The following MYT1L variants were observed in gnomAD, a reference collection of about 807,000 sequenced individuals.
MYT1L encodes the protein myelin transcription factor 1 like.
In MYT1L, 12 loss-of-function variants were observed where a neutral mutation model predicts 126.7. That is an observed-to-expected ratio of 0.09 (90% CI 0.06 to 0.15). The LOEUF is 0.15. Ranked by LOEUF, MYT1L falls within the 10% of genes least tolerant of loss-of-function variation. The probability of loss-of-function intolerance (pLI) is 1.00; values close to 1 mark genes in which losing one functional copy is unlikely to be tolerated. For missense variants in MYT1L, 979 were observed against 1,585.2 expected, an observed-to-expected ratio of 0.62 and a Z score of 6.49; for synonymous variants, 541 against 604.2, an observed-to-expected ratio of 0.90 and a Z score of 1.53.
chr2:2,137,105 T>C (rs2083169737), intron 3 of MYT1L, among the ~76,000 whole-genome samples: 1 of 152,088 alleles, frequency 6.6e-6, no homozygotes, highest in South Asian at 2.1e-4. Context: ...TCAAAGAGAA[T>C]AAAATACCTA....
intron 3 of MYT1L, among the ~76,000 whole-genome samples, chr2:2,072,533 AG>A (rs2074723874): frequency 6.6e-6 from 1 of 152,228 alleles, no homozygotes; most frequent in Non-Finnish European, 1.5e-5. Flanking sequence ...ATAACAAAAT[AG>A]CATAACCTTG....
At chr2:1,813,687 G>A (rs1341696144) in intron 21 of MYT1L, among the ~76,000 whole-genome samples, 2 of 152,180 alleles carry the variant, frequency 1.3e-5, no homozygotes, top group African/African-American at 4.8e-5. Flanking sequence ...GGTGATCCCA[G>A]GTGGAACGGT....
At chr2:1,862,335 A>C (rs1189562333) in intron 18 of MYT1L, among the ~76,000 whole-genome samples, 1 of 152,192 alleles carries the variant, frequency 6.6e-6, no homozygotes, top group African/African-American at 2.4e-5. Context: ...AGTACCTTTA[A>C]GGTCAAAAAG....
chr2:1,922,427 T>G lies in MYT1L; in HGVS notation c.1342A>C (p.Met448Leu), dbSNP rs932598635. 2.5e-6 allele frequency: 4 copies of G among 1,613,866 alleles called. No individual in the cohort carries two copies. In the African/African-American group the frequency reaches 5.3e-5, roughly 22 times the overall value. ...IALETERAKA[M>L]REKMAMEAGR... ...GCTTCCATGGCCATCTTCTCCCTCATGGCCTTTGCTCTTTCCGTTTCCAAA... is the reference window on the plus strand; with the variant it reads ...GCTTCCATGGCCATCTTCTCCCTCAGGGCCTTTGCTCTTTCCGTTTCCAAA... The change falls in exon 10 of 25, where the codon ATG (methionine) becomes CTG (leucine). Residue 448 changes from methionine (M) to leucine (L), a missense_variant. Coordinates refer to ENST00000647738, the MANE Select transcript of MYT1L (RefSeq NM_001303052.2). The surrounding 1 kb of genome is among the most constrained non-coding windows in gnomAD (Gnocchi z 7.4).
intron 3 of MYT1L, among the ~76,000 whole-genome samples, chr2:2,142,897 G>A (rs1390413499): frequency 2.6e-5 from 4 of 151,730 alleles, no homozygotes; most frequent in African/African-American, 4.8e-5. Context: ...ATGTTGGCCA[G>A]GGTGGTCTCA....
chr2:2,081,518 T>C (rs2075823052), intron 3 of MYT1L, among the ~76,000 whole-genome samples: 1 of 152,190 alleles, frequency 6.6e-6, no homozygotes, highest in Admixed American at 6.5e-5. Context: ...ATATACTCTA[T>C]TCTATTGCTT....
At chr2:1,892,366 C>G (rs1227286959) in intron 14 of MYT1L, 79 bp from the exon 15 acceptor site, 19 of 1,490,608 alleles carry the variant, frequency 1.3e-5, no homozygotes, top group Non-Finnish European at 1.7e-5. Flanking sequence ...GGCCTGCCCG[C>G]CCCGGCCTCA....
At chr2:2,184,545 A>G (rs542051061) in intron 2 of MYT1L, among the ~76,000 whole-genome samples, 1 of 152,234 alleles carries the variant, frequency 6.6e-6, no homozygotes, top group Admixed American at 6.5e-5. Flanking sequence ...TCATGGGATG[A>G]TTTCATCAAG....
At chr2:1,818,446 T>C (rs1399131272) in intron 21 of MYT1L, among the ~76,000 whole-genome samples, 1 of 152,224 alleles carries the variant, frequency 6.6e-6, no homozygotes, top group East Asian at 1.9e-4. Context: ...ATTCCACTGC[T>C]ACTATTTTAA....
At chr2:1,900,512 G>C (rs1335033389) in intron 14 of MYT1L, among the ~76,000 whole-genome samples, 1 of 152,094 alleles carries the variant, frequency 6.6e-6, no homozygotes, top group Non-Finnish European at 1.5e-5. Context: ...TGTTAGCCAG[G>C]ATGGTCTTGA....
intron 2 of MYT1L, among the ~76,000 whole-genome samples, chr2:2,210,062 T>TAA (rs2093449385): frequency 6.6e-6 from 1 of 152,230 alleles, no homozygotes; most frequent in South Asian, 2.1e-4. Flanking sequence ...CACATTTTCA[T>TAA]AATCCTGCTT....
At chr2:1,800,778 C>T (rs1190881272) in intron 23 of MYT1L, among the ~76,000 whole-genome samples, 1 of 152,070 alleles carries the variant, frequency 6.6e-6, no homozygotes, top group Non-Finnish European at 1.5e-5. Flanking sequence ...GTGACACCAT[C>T]CTCATCTCCA....
At chr2:1,992,270 G>C (rs142980328) in intron 5 of MYT1L, among the ~76,000 whole-genome samples, 1 of 152,112 alleles carries the variant, frequency 6.6e-6, no homozygotes, top group Non-Finnish European at 1.5e-5. Context: ...CTTCCCTTCC[G>C]AAGCTTTAAA....
chr2:2,317,815 A>T (rs1183626101), intron 1 of MYT1L, among the ~76,000 whole-genome samples: 1 of 152,158 alleles, frequency 6.6e-6, no homozygotes, highest in African/African-American at 2.4e-5. Context: ...GACCAAAATA[A>T]TCAGTAAAAT....
intron 3 of MYT1L, among the ~76,000 whole-genome samples, chr2:2,155,472 A>C (rs2086576103): frequency 6.6e-6 from 1 of 152,162 alleles, no homozygotes; most frequent in African/African-American, 2.4e-5. Flanking sequence ...CAGACACCAA[A>C]CCAGAACTAT....
chr2:2,213,604 C>A (rs559252633), intron 2 of MYT1L, among the ~76,000 whole-genome samples: 6 of 152,178 alleles, frequency 3.9e-5, no homozygotes, highest in Non-Finnish European at 8.8e-5. Flanking sequence ...GTGCCTTCAG[C>A]AGAGCACTCA....
chr2:1,920,198 C>T (rs1229585526), intron 10 of MYT1L, among the ~76,000 whole-genome samples: 1 of 152,178 alleles, frequency 6.6e-6, no homozygotes, highest in African/African-American at 2.4e-5. Context: ...ACCTTTCCTC[C>T]CAAGAGGGAA....
intron 3 of MYT1L, among the ~76,000 whole-genome samples, chr2:2,136,919 T>C (rs1031754178): frequency 1.3e-5 from 2 of 152,218 alleles, no homozygotes; most frequent in Non-Finnish European, 2.9e-5. Flanking sequence ...GCAGATGACA[T>C]GATTGTATAT....
At chr2:2,021,099 CT>C (rs2064990070) in intron 4 of MYT1L, among the ~76,000 whole-genome samples, 1 of 152,176 alleles carries the variant, frequency 6.6e-6, no homozygotes, top group Non-Finnish European at 1.5e-5. Flanking sequence ...CCCGGAGGGG[CT>C]GCTTTAGAAG....
Sources: allele counts gnomAD v4.1 joint callset (sites outside exome capture counted in the v4.1 genomes callset), GRCh38; gene constraint gnomAD v4.1.1; non-coding constraint Gnocchi (gnomAD v3.1); transcripts MANE v1.5; gene names NCBI Gene and HGNC (gene_info 2026-07-23, HGNC 2026-07-21).